ASAP1: variants seen among roughly 807,000 people sequenced by gnomAD.
ASAP1 encodes the protein ArfGAP with SH3 domain, ankyrin repeat and PH domain 1, also known as arf-GAP with SH3 domain, ANK repeat and PH domain-containing protein 1.
ASAP1 carries 43 observed loss-of-function variants against 145.2 expected under a neutral mutation model. The ratio of observed to expected loss-of-function variants is 0.30; its 90% confidence interval spans 0.23 to 0.38. ASAP1 has a LOEUF of 0.38. Among genes scored for constraint, ASAP1 ranks in the 10% least tolerant of loss-of-function variants. ASAP1 has a pLI of 1.00. For missense variants in ASAP1, 1,018 were observed against 1,355.3 expected, an observed-to-expected ratio of 0.75 and a Z score of 3.91; for synonymous variants, 546 against 515.5, an observed-to-expected ratio of 1.06 and a Z score of -0.80.
chr8:130,343,704 C>T (rs7812798), intron 3 of ASAP1, among the ~76,000 whole-genome samples: 2,535 of 152,296 alleles, frequency 0.017, 39 homozygotes, highest in East Asian at 0.064. Flanking sequence ...AAATATTCAC[C>T]GCTCCAAGGT....
chr8:130,358,130 T>C lies in ASAP1; in HGVS notation c.73A>G (p.Ile25Val). The C allele has an allele frequency of 6.2e-7, 1 of 1,606,468 alleles. No homozygotes were observed. The highest frequency in any genetic ancestry group is 8.5e-7 in the Non-Finnish European group (1 of 1,177,590). The change falls in exon 3 of 30, where the codon ATC (isoleucine) becomes GTC (valine). Residue 25 changes from isoleucine to valine, a missense_variant. Coordinates refer to ENST00000518721, the MANE Select transcript of ASAP1 (RefSeq NM_018482.4). This position sits in a 1 kb window ranked among gnomAD's most constrained non-coding sequence, Gnocchi z 4.1. ...TCGGCGATGAACTCCGAGACAGAGA[T>C]CTGGTCCGGCATCCTGCCGGGAGGG... ...DSLWNRMPDQ[I>V]SVSEFIAETT...
At chr8:130,313,950 C>T (rs1356383870) in intron 3 of ASAP1, among the ~76,000 whole-genome samples, 1 of 152,202 alleles carries the variant, frequency 6.6e-6, no homozygotes, top group African/African-American at 2.4e-5. Context: ...TGCTGGCTTC[C>T]CTCACACACA....
At chr8:130,195,941 A>C (rs752299449) in intron 5 of ASAP1, among the ~76,000 whole-genome samples, 3 of 152,170 alleles carry the variant, frequency 2.0e-5, no homozygotes, top group Non-Finnish European at 4.4e-5. Flanking sequence ...GATCTCACTT[A>C]TTGTTTACTG....
chr8:130,109,568 T>G (rs961703466), intron 24 of ASAP1, among the ~76,000 whole-genome samples: 1 of 152,102 alleles, frequency 6.6e-6, no homozygotes, highest in South Asian at 2.1e-4. Context: ...TTATTTGTCA[T>G]GGAGAACAAG....
At chr8:130,282,131 T>C (rs1348280073) in intron 3 of ASAP1, among the ~76,000 whole-genome samples, 1 of 151,148 alleles carries the variant, frequency 6.6e-6, no homozygotes, top group Non-Finnish European at 1.5e-5. Context: ...CAACCAAATA[T>C]ATATGTTCTA....
intron 1 of ASAP1, among the ~76,000 whole-genome samples, chr8:130,408,297 A>T (rs1829121339): frequency 6.6e-6 from 1 of 152,220 alleles, no homozygotes; most frequent in Non-Finnish European, 1.5e-5. Flanking sequence ...TTGAATCAGG[A>T]GACTGAGTAA....
intron 13 of ASAP1, among the ~76,000 whole-genome samples, chr8:130,144,949 T>C (rs907133323): frequency 6.6e-6 from 1 of 152,120 alleles, no homozygotes; most frequent in Non-Finnish European, 1.5e-5. Context: ...AAGGAATCGG[T>C]TACCTTACTT....
chr8:130,162,615 G>C (rs2097671552), intron 11 of ASAP1, among the ~76,000 whole-genome samples: 1 of 151,966 alleles, frequency 6.6e-6, no homozygotes, highest in Non-Finnish European at 1.5e-5. Flanking sequence ...TCAGGAGATC[G>C]AGACCATCCT....
chr8:130,269,699 T>A (rs957920827), intron 3 of ASAP1, among the ~76,000 whole-genome samples: 7 of 152,118 alleles, frequency 4.6e-5, no homozygotes, highest in Non-Finnish European at 1.0e-4. Flanking sequence ...CCTGGGAAAG[T>A]TGAAAGGTAC....
chr8:130,079,743 C>A (rs2097474514), intron 26 of ASAP1, among the ~76,000 whole-genome samples, 159 bp downstream of exon 26: 1 of 152,118 alleles, frequency 6.6e-6, no homozygotes, highest in Non-Finnish European at 1.5e-5. Context: ...GATGTGCATG[C>A]AAACCAAGAG....
chr8:130,376,425 T>C (rs554843428), intron 2 of ASAP1, among the ~76,000 whole-genome samples: 1 of 92,290 alleles, frequency 1.1e-5, no homozygotes, highest in South Asian at 3.6e-4. Flanking sequence ...TATACTTGCT[T>C]CCTTAAAAAC....
chr8:130,100,803 T>C (rs1046750633), intron 24 of ASAP1, among the ~76,000 whole-genome samples: 8 of 152,246 alleles, frequency 5.3e-5, no homozygotes, highest in African/African-American at 1.7e-4. Context: ...CTCTTTGCTC[T>C]GATTGTTTCT....
intron 3 of ASAP1, among the ~76,000 whole-genome samples, chr8:130,340,157 A>G (rs1370906551): frequency 6.6e-6 from 1 of 152,226 alleles, no homozygotes; most frequent in Non-Finnish European, 1.5e-5. Context: ...AAAAGGCTGA[A>G]AGGACTGGCT....
chr8:130,174,310 G>T (rs1321009924), intron 9 of ASAP1, among the ~76,000 whole-genome samples: 1 of 152,196 alleles, frequency 6.6e-6, no homozygotes, highest in Non-Finnish European at 1.5e-5. Context: ...TGAAGCACAT[G>T]TGTGAGTTCT....
chr8:130,255,709 C>T (rs1309044080), intron 3 of ASAP1, among the ~76,000 whole-genome samples: 3 of 152,056 alleles, frequency 2.0e-5, no homozygotes, highest in Admixed American at 6.6e-5. Flanking sequence ...TCAGCAAACA[C>T]GAATAGTATT....
At chr8:130,421,991 A>T (rs993255724) in intron 1 of ASAP1, among the ~76,000 whole-genome samples, 1 of 152,236 alleles carries the variant, frequency 6.6e-6, no homozygotes, top group Non-Finnish European at 1.5e-5. Flanking sequence ...GGGGAGACAG[A>T]GGTATGAACA....
At chr8:130,339,841 G>A (rs1825266957) in intron 3 of ASAP1, among the ~76,000 whole-genome samples, 3 of 152,058 alleles carry the variant, frequency 2.0e-5, no homozygotes, top group Non-Finnish European at 4.4e-5. Flanking sequence ...AAAACTCTAA[G>A]ATTACACTAT....
intron 7 of ASAP1, among the ~76,000 whole-genome samples, chr8:130,181,634 T>C (rs1814364382): frequency 6.6e-6 from 1 of 152,156 alleles, no homozygotes; most frequent in Non-Finnish European, 1.5e-5. Context: ...GAAATCCTAA[T>C]TTGGAATCCT....
At chr8:130,345,384 A>G (rs1199510847) in intron 3 of ASAP1, among the ~76,000 whole-genome samples, 3 of 151,420 alleles carry the variant, frequency 2.0e-5, no homozygotes, top group Non-Finnish European at 4.4e-5. Context: ...CTCCCCGTCA[A>G]CTCGAAAGAA....
Sources: gnomAD v4.1 joint callset for allele counts (sites outside exome capture counted in the v4.1 genomes callset) on GRCh38, gnomAD v4.1.1 for gene constraint, Gnocchi (gnomAD v3.1) non-coding constraint, MANE v1.5 for transcripts, NCBI Gene and HGNC (gene_info 2026-07-23, HGNC 2026-07-21) for gene names.